Variants in MACROD2 observed in about 807,000 individuals in gnomAD.
The protein encoded by MACROD2 is mono-ADP ribosylhydrolase 2, also known as ADP-ribose glycohydrolase MACROD2.
MACROD2 carries 36 observed loss-of-function variants against 70.4 expected under a neutral mutation model. That is an observed-to-expected ratio of 0.51 (90% CI 0.39 to 0.68). The LOEUF is 0.68. MACROD2 is among the 30% of genes least tolerant of loss of function. The pLI, the probability that MACROD2 is intolerant of heterozygous loss-of-function variation, is 0.00. For missense variants in MACROD2, 496 were observed against 538.4 expected, an observed-to-expected ratio of 0.92 and a Z score of 0.78; for synonymous variants, 172 against 178.8, an observed-to-expected ratio of 0.96 and a Z score of 0.30.
intron 5 of MACROD2, among the ~76,000 whole-genome samples, chr20:14,862,379 A>C (rs1344156383): frequency 5.3e-5 from 1 of 18,760 alleles, no homozygotes; most frequent in African/African-American, 3.7e-4. Context: ...ATAAATATAT[A>C]TATAAATATA....
At chr20:15,615,169 C>T (rs982038500) in intron 8 of MACROD2, among the ~76,000 whole-genome samples, 1 of 152,174 alleles carries the variant, frequency 6.6e-6, no homozygotes, top group African/African-American at 2.4e-5. Flanking sequence ...CACAGGCATG[C>T]TCATGTCATC....
Position 14,705,537 on chromosome 20 carries a change from T to G in MACROD2, c.418+20578T>G, listed in dbSNP as rs2071258854. 2.6e-5 allele frequency among the ~76,000 whole-genome samples: 4 copies of G among 152,274 alleles called. No homozygotes were observed. The South Asian group carries it at 8.3e-4, about 32-fold the overall frequency. On this transcript the variant is annotated intron_variant, in intron 5 of 17. Coordinates refer to ENST00000684519, the MANE Select transcript of MACROD2 (RefSeq NM_001351661.2). ...ATTAACTTCCCATTAGACTTGTGGTTCTTAGTGACCTCCTGAGGGCCTGAA... is the reference window on the plus strand; with the variant it reads ...ATTAACTTCCCATTAGACTTGTGGTGCTTAGTGACCTCCTGAGGGCCTGAA...
intron 3 of MACROD2, among the ~76,000 whole-genome samples, chr20:14,198,134 G>C (rs985900473): frequency 6.6e-6 from 1 of 151,978 alleles, no homozygotes; most frequent in East Asian, 1.9e-4. Context: ...TTGTGTGTGC[G>C]TGAGAGAGAG....
chr20:15,624,369 A>G (rs2049172146), intron 8 of MACROD2, among the ~76,000 whole-genome samples: 1 of 152,182 alleles, frequency 6.6e-6, no homozygotes. Context: ...CCTCACAGAC[A>G]CACCCAGAAA....
chr20:15,233,961 A>G (rs1601275096), intron 6 of MACROD2, among the ~76,000 whole-genome samples: 1 of 72,552 alleles, frequency 1.4e-5, no homozygotes, highest in Admixed American at 1.4e-4. Flanking sequence ...GATCCAAAAA[A>G]TTTATTTTTA....
chr20:14,476,911 A>T (rs1353569597), intron 3 of MACROD2, among the ~76,000 whole-genome samples: 1 of 152,214 alleles, frequency 6.6e-6, no homozygotes, highest in Non-Finnish European at 1.5e-5. Flanking sequence ...ATTTTTGCAG[A>T]ATCACAGTAA....
chr20:14,681,203 C>G (rs919844199), intron 4 of MACROD2, among the ~76,000 whole-genome samples: 2 of 152,094 alleles, frequency 1.3e-5, no homozygotes, highest in Admixed American at 1.3e-4. Context: ...CTGGGGAAAA[C>G]TGTTATGTTA....
intron 5 of MACROD2, among the ~76,000 whole-genome samples, chr20:15,069,956 A>G (rs2075606597): frequency 1.3e-5 from 2 of 152,174 alleles, no homozygotes; most frequent in East Asian, 1.9e-4. Context: ...AGAGAATGGT[A>G]GAGTCACCAG....
chr20:15,313,649 T>A (rs1568714691), intron 6 of MACROD2, among the ~76,000 whole-genome samples: 1 of 152,152 alleles, frequency 6.6e-6, no homozygotes, highest in Admixed American at 6.6e-5. Context: ...TCATTTCTCT[T>A]AATGAACAAG....
chr20:15,297,626 C>T (rs1412596397), intron 6 of MACROD2, among the ~76,000 whole-genome samples: 2 of 152,134 alleles, frequency 1.3e-5, no homozygotes, highest in African/African-American at 2.4e-5. Flanking sequence ...TCCTTGGACC[C>T]CATCTCTTCC....
intron 2 of MACROD2, among the ~76,000 whole-genome samples, chr20:14,071,150 T>C (rs2053831623): frequency 6.6e-6 from 1 of 151,966 alleles, no homozygotes; most frequent in Non-Finnish European, 1.5e-5. Flanking sequence ...ATGTAAAATA[T>C]ACTTATGATT....
intron 15 of MACROD2, among the ~76,000 whole-genome samples, chr20:16,020,773 GA>G (rs1381445051): frequency 1.8e-4 from 27 of 152,016 alleles, no homozygotes; most frequent in Middle Eastern, 6.8e-3. Flanking sequence ...GGGATGGGGG[GA>G]AGGAAATCCA....
At chr20:14,690,000 T>TA in intron 5 of MACROD2, among the ~76,000 whole-genome samples, 1 of 144,742 alleles carries the variant, frequency 6.9e-6, no homozygotes, top group East Asian at 2.0e-4. Context: ...ATTGTGTTTT[T>TA]AAAAAACATA....
At chr20:15,223,115 TG>T (rs2076875922) in intron 5 of MACROD2, among the ~76,000 whole-genome samples, 1 of 152,190 alleles carries the variant, frequency 6.6e-6, no homozygotes, top group African/African-American at 2.4e-5. Context: ...ACAGACTGAT[TG>T]ATTTCAGAAA....
chr20:15,532,550 A>G (rs1315504057), intron 8 of MACROD2, among the ~76,000 whole-genome samples: 3 of 151,836 alleles, frequency 2.0e-5, no homozygotes, highest in Admixed American at 1.3e-4. Context: ...ACTCAACCAT[A>G]TTTTTTATTT....
chr20:15,281,520 A>G (rs962355773), intron 6 of MACROD2, among the ~76,000 whole-genome samples: 1 of 152,226 alleles, frequency 6.6e-6, no homozygotes, highest in African/African-American at 2.4e-5. Context: ...TACAGGCTCC[A>G]TGCAAGTCTG....
intron 10 of MACROD2, among the ~76,000 whole-genome samples, chr20:15,908,319 C>T (rs376050151): frequency 1.3e-5 from 2 of 152,318 alleles, no homozygotes; most frequent in Admixed American, 6.5e-5. Flanking sequence ...ACAGCACTTG[C>T]GGGTGGCCTT....
chr20:15,158,319 A>G (rs909979904), intron 5 of MACROD2, among the ~76,000 whole-genome samples: 12 of 152,214 alleles, frequency 7.9e-5, no homozygotes, highest in Non-Finnish European at 1.5e-4. Context: ...CAATAGCAGT[A>G]GTAATAATAA....
chr20:14,508,154 C>T (rs1298213098), intron 4 of MACROD2, among the ~76,000 whole-genome samples: 1 of 152,156 alleles, frequency 6.6e-6, no homozygotes, highest in Non-Finnish European at 1.5e-5. Flanking sequence ...AGTTTCACCT[C>T]TGGTTCACCG....
Sources: gnomAD v4.1 joint callset for allele counts (sites outside exome capture counted in the v4.1 genomes callset) on GRCh38, gnomAD v4.1.1 for gene constraint, MANE v1.5 for transcripts, NCBI Gene and HGNC (gene_info 2026-07-23, HGNC 2026-07-21) for gene names.